Variants in ATG4C observed in about 807,000 individuals in gnomAD.
ATG4C encodes the protein cysteine protease ATG4C.
Under a neutral mutation model 57.6 loss-of-function variants are expected in ATG4C, and 56 were observed. The ratio of observed to expected loss-of-function variants is 0.97; its 90% confidence interval spans 0.78 to 1.21. The LOEUF (loss-of-function observed/expected upper bound fraction) is 1.21, where lower values mean the gene tolerates loss of function less well. Among genes scored for constraint, ATG4C ranks in the 50% most tolerant of loss-of-function variants. The probability of loss-of-function intolerance (pLI) is 0.00; values close to 1 mark genes in which losing one functional copy is unlikely to be tolerated. For synonymous variants in ATG4C, 157 were observed against 174.1 expected (o/e 0.90, Z 0.78); for missense variants, 595 against 529.8 (o/e 1.12, Z -1.21).
At chr1:62,818,914 A>G in intron 4 of ATG4C, 91 bp from the exon 5 acceptor site, 2 of 1,058,754 alleles carry the variant, frequency 1.9e-6, no homozygotes. Flanking sequence ...TTAGTAACCC[A>G]AATGACCTTA....
At chr1:62,843,280 G>A (rs1666228351) in intron 10 of ATG4C, among the ~76,000 whole-genome samples, 1 of 152,112 alleles carries the variant, frequency 6.6e-6, no homozygotes, top group Admixed American at 6.6e-5. Context: ...AAGGCAAAGA[G>A]AAATTATGTT....
At chr1:62,835,936 C>A (rs1482752329) in intron 9 of ATG4C, among the ~76,000 whole-genome samples, 1 of 152,072 alleles carries the variant, frequency 6.6e-6, no homozygotes, top group Non-Finnish European at 1.5e-5. Context: ...GTCCAAGTTA[C>A]ATTTCCAGTA....
intron 1 of ATG4C, among the ~76,000 whole-genome samples, chr1:62,787,244 G>T (rs1390120794): frequency 6.6e-6 from 1 of 151,916 alleles, no homozygotes; most frequent in East Asian, 1.9e-4. Flanking sequence ...CCTAAAATAG[G>T]TTTTTTTGGT....
intron 1 of ATG4C, among the ~76,000 whole-genome samples, chr1:62,802,091 C>A (rs1664698231): frequency 1.3e-5 from 2 of 151,786 alleles, no homozygotes; most frequent in Admixed American, 1.3e-4. Context: ...CTCTCCCTCT[C>A]CTGATGTTTC....
rs1407479905 is a variant in ATG4C, at chr1:62,863,996, T to A, written c.1214T>A (p.Leu405Gln). The A allele has an allele frequency of 6.4e-7, 1 of 1,568,620 alleles. No individual in the cohort carries two copies. Among genetic ancestry groups the A allele is most frequent in the African/African-American group, 1.4e-5 (1 of 72,256 alleles). The change falls in exon 11 of 11, where the codon CTG becomes CAG. Residue 405 changes from leucine (L) to glutamine (Q), a missense_variant. Physicochemically the swap from Leu to Gln is moderately radical, Grantham distance 113 (BLOSUM62 -2). Coordinates refer to ENST00000317868, the MANE Select transcript of ATG4C (RefSeq NM_032852.4). Reference sequence around the variant, plus strand: ...CTTCTATACTTTCTGTTACAGATGCTGAAATTTTCTTCTAAGGAGAAATAT... The same window carrying A: ...CTTCTATACTTTCTGTTACAGATGCAGAAATTTTCTTCTAAGGAGAAATAT... ...KRASEEITKM[L>Q]KFSSKEKYPL...
intron 1 of ATG4C, among the ~76,000 whole-genome samples, chr1:62,795,285 G>A (rs1443405358): frequency 6.6e-6 from 1 of 152,132 alleles, no homozygotes; most frequent in Non-Finnish European, 1.5e-5. Context: ...ATTGATTTGA[G>A]TACTCTTTAC....
intron 3 of ATG4C, 65 bp from the exon 4 acceptor site, chr1:62,816,510 G>T: frequency 9.1e-7 from 1 of 1,102,554 alleles, no homozygotes; most frequent in Non-Finnish European, 1.3e-6. Flanking sequence ...AGACAGTAAT[G>T]ATAATGTTTG....
At chr1:62,824,008 T>G (rs1665568127) in intron 6 of ATG4C, among the ~76,000 whole-genome samples, 1 of 152,312 alleles carries the variant, frequency 6.6e-6, no homozygotes, top group East Asian at 1.9e-4. Flanking sequence ...ATTGTTTGTT[T>G]CTTATATATA....
chr1:62,814,700 T>C (rs1273209096), intron 3 of ATG4C, among the ~76,000 whole-genome samples: 4 of 152,220 alleles, frequency 2.6e-5, no homozygotes, highest in Non-Finnish European at 5.9e-5. Flanking sequence ...ATTTAGAATA[T>C]GTTTCTTATA....
intron 9 of ATG4C, among the ~76,000 whole-genome samples, chr1:62,838,716 G>A (rs919665417): frequency 6.6e-6 from 1 of 151,594 alleles, no homozygotes; most frequent in African/African-American, 2.4e-5. Flanking sequence ...GGAGGCAGAG[G>A]TTGCAGTGAG....
chr1:62,816,772 TTG>T lies in ATG4C; in HGVS notation c.359_360del (p.Leu120CysfsTer11), dbSNP rs1233669377. On this transcript the variant is annotated frameshift_variant, in exon 4 of 11. Coordinates refer to ENST00000317868, the MANE Select transcript of ATG4C (RefSeq NM_032852.4). LOFTEE classifies it high-confidence loss of function. ...GCTLRTGQML[L>X]AQGLILHFLG... Reference sequence around the variant, plus strand: ...CACATTGAGAACTGGCCAGATGCTCTTGGCTCAAGGACTCATACTACACTTTC... The same window carrying T: ...CACATTGAGAACTGGCCAGATGCTCTGCTCAAGGACTCATACTACACTTTC... The T allele has an allele frequency of 1.2e-6, 2 of 1,609,572 alleles. No individual in the cohort carries two copies. The highest frequency in any genetic ancestry group is 2.7e-5 in the African/African-American group (2 of 74,766).
Position 62,819,185 on chromosome 1 carries a change from G to A in ATG4C, c.575G>A (p.Arg192Gln), listed in dbSNP as rs763043306. 2.7e-5 allele frequency: 43 copies of A among 1,613,370 alleles called. No individual in the cohort carries two copies. The East Asian group carries it at 6.2e-4, about 23-fold the overall frequency. ...IGKYSDDHEM[R>Q]NEVYHRKIIS... ...AAATATTCTGATGATCATGAAATGC[G>A]AAATGAAGTTTATCATAGGAAAATC... The change falls in exon 5 of 11, where the codon CGA becomes CAA. Residue 192 changes from arginine to glutamine, a missense_variant. Transcript: ENST00000317868.
At chr1:62,787,843 G>C (rs1557952923) in intron 1 of ATG4C, among the ~76,000 whole-genome samples, 1 of 151,806 alleles carries the variant, frequency 6.6e-6, no homozygotes, top group Non-Finnish European at 1.5e-5. Flanking sequence ...CAGATTTTAA[G>C]TGTTTATTAT....
At position 62,805,263 on chromosome 1, in the gene ATG4C, C is replaced by T; in HGVS notation, c.160+8C>T. ...ACCATTTTAAATATGAAGGTAAGTA[C>T]AAAATTTGTAAACCATTTAAAAATT... On this transcript the variant is annotated splice_region_variant and intron_variant, in intron 3 of 10. Coordinates refer to ENST00000317868, the MANE Select transcript of ATG4C (RefSeq NM_032852.4). The T allele has an allele frequency of 6.7e-7, 1 of 1,487,766 alleles. No homozygotes were observed. Among genetic ancestry groups the T allele is most frequent in the Non-Finnish European group, 8.9e-7 (1 of 1,128,136 alleles). The allele number at this position is 1,487,766 out of a possible 1,614,324, so 92.2% of individuals were successfully genotyped here. A position where few individuals can be genotyped will look rare whatever the true frequency, so the allele number is the denominator to read the frequency against.
chr1:62,846,223 T>C (rs1002475757), intron 10 of ATG4C, among the ~76,000 whole-genome samples: 15 of 152,170 alleles, frequency 9.9e-5, no homozygotes, highest in African/African-American at 3.6e-4. Flanking sequence ...AGAGAAGCAT[T>C]TGATGTAGGT....
At chr1:62,845,007 G>A (rs1260560219) in intron 10 of ATG4C, among the ~76,000 whole-genome samples, 2 of 151,590 alleles carry the variant, frequency 1.3e-5, no homozygotes, top group Non-Finnish European at 2.9e-5. Context: ...TTGTTTCTGA[G>A]AACTTAAAAC....
chr1:62,838,759 G>A (rs1007683434), intron 9 of ATG4C, among the ~76,000 whole-genome samples: 3 of 147,326 alleles, frequency 2.0e-5, no homozygotes, highest in Non-Finnish European at 3.0e-5. Context: ...CAGCCTGGGC[G>A]ACAAGAGTGA....
chr1:62,809,226 A>G (rs1005339657), intron 3 of ATG4C, among the ~76,000 whole-genome samples: 6 of 152,092 alleles, frequency 3.9e-5, no homozygotes, highest in African/African-American at 1.2e-4. Context: ...AGCTTGAGCC[A>G]CCGTGCCAGC....
At chr1:62,839,887 A>G (rs972733715) in intron 9 of ATG4C, among the ~76,000 whole-genome samples, 2 of 151,212 alleles carry the variant, frequency 1.3e-5, no homozygotes, top group Admixed American at 1.3e-4. Flanking sequence ...TGAATCTAAT[A>G]TGCAGTTGAA....
Sources: allele counts gnomAD v4.1 joint callset (sites outside exome capture counted in the v4.1 genomes callset), GRCh38; gene constraint gnomAD v4.1.1; transcripts MANE v1.5; gene names NCBI Gene and HGNC (gene_info 2026-07-23, HGNC 2026-07-21).